The following SMAD3 variants were observed in gnomAD, a reference collection of about 807,000 sequenced individuals.
SMAD3 encodes the protein SMAD family member 3.
A neutral mutation model predicts 51.8 loss-of-function variants in SMAD3; 12 were observed. The ratio of observed to expected loss-of-function variants is 0.23; its 90% confidence interval spans 0.15 to 0.38. SMAD3 has a LOEUF of 0.38. Among genes scored for constraint, SMAD3 ranks in the 10% least tolerant of loss-of-function variants. The pLI is 1.00. For missense variants in SMAD3, 294 were observed against 565.6 expected, an observed-to-expected ratio of 0.52 and a Z score of 4.87; for synonymous variants, 238 against 227.7, an observed-to-expected ratio of 1.05 and a Z score of -0.41.
intron 1 of SMAD3, chr15:67,077,985 A>T (rs1960206921): frequency 6.6e-6 from 1 of 152,138 alleles, no homozygotes; most frequent in African/African-American, 2.4e-5. Flanking sequence ...TTCTTGTTTC[A>T]TTTCCTCCTC....
rs1555410235 is a variant in SMAD3 at position 67,142,199 on chromosome 15, A to ACCT, written c.207-22694_207-22693insTCC. Among the ~76,000 whole-genome samples the ACCT allele has an allele frequency of 5.5e-5, 7 of 127,990 alleles. No individual in the cohort carries two copies. The Admixed American group carries it at 5.9e-4, about 11-fold the overall frequency. 84.0% of individuals were successfully genotyped at this position (127,990 alleles called of 152,430 possible). On this transcript the variant is annotated intron_variant, in intron 1 of 8. Coordinates refer to ENST00000327367, the MANE Select transcript of SMAD3 (RefSeq NM_005902.4). ...ATTCTTTTGTGTGTCTCCTCCCCAC[A>ACCT]CCCCCCCCACCATTGTTTCTAGAAC...
chr15:67,075,134 T>C (rs1406716658), intron 1 of SMAD3, among the ~76,000 whole-genome samples: 1 of 152,170 alleles, frequency 6.6e-6, no homozygotes, highest in Non-Finnish European at 1.5e-5. Context: ...ATTTTTTCCT[T>C]AAAAAATCAC....
intron 5 of SMAD3, chr15:67,174,155 GGACTCAC>G (rs1962827123): frequency 1.3e-5 from 2 of 152,378 alleles, no homozygotes; most frequent in Admixed American, 1.3e-4. Flanking sequence ...CACTCAGGAG[GGACTCAC>G]ATGGCCACGC....
intron 1 of SMAD3, among the ~76,000 whole-genome samples, chr15:67,101,332 C>T (rs765919457): frequency 6.6e-6 from 1 of 152,220 alleles, no homozygotes; most frequent in Non-Finnish European, 1.5e-5. Context: ...ACCCTGTTGG[C>T]CCCAGCACAG....
At chr15:67,072,728 A>AG (rs1176360541) in intron 1 of SMAD3, among the ~76,000 whole-genome samples, 1 of 152,174 alleles carries the variant, frequency 6.6e-6, no homozygotes, top group African/African-American at 2.4e-5. Context: ...CTCCCTAAGG[A>AG]GGGGTATGAC....
intron 1 of SMAD3, among the ~76,000 whole-genome samples, chr15:67,079,320 G>A (rs1436058569): frequency 6.6e-6 from 1 of 151,496 alleles, no homozygotes; most frequent in African/African-American, 2.4e-5. Context: ...CACTAATACT[G>A]CTAAAAACCC....
At chr15:67,069,921 G>A (rs1219826935) in intron 1 of SMAD3, among the ~76,000 whole-genome samples, 1 of 152,118 alleles carries the variant, frequency 6.6e-6, no homozygotes, top group Non-Finnish European at 1.5e-5. Flanking sequence ...GGTCAGGCTG[G>A]TGTTGAACTC....
chr15:67,068,803 G>A (rs772273805), intron 1 of SMAD3, among the ~76,000 whole-genome samples: 1 of 152,132 alleles, frequency 6.6e-6, no homozygotes, highest in Non-Finnish European at 1.5e-5. Context: ...TAAAGGCCAC[G>A]TCTTGGGGAG....
intron 1 of SMAD3, chr15:67,138,170 GC>G: frequency 8.4e-7 from 1 of 1,195,716 alleles, no homozygotes; most frequent in Non-Finnish European, 1.2e-6. Flanking sequence ...CCACAGGGTT[GC>G]TGGCCAGAGA....
intron 5 of SMAD3, among the ~76,000 whole-genome samples, chr15:67,175,479 G>A (rs963323354): frequency 2.0e-5 from 3 of 152,180 alleles, no homozygotes; most frequent in Non-Finnish European, 4.4e-5. Flanking sequence ...TGGACCCAAG[G>A]CAGCATCTCC....
chr15:67,088,126 CAGG>C lies in SMAD3; in HGVS notation c.206+21772_206+21774del, dbSNP rs202116104. On this transcript the variant is annotated intron_variant, in intron 1 of 8. Transcript: ENST00000327367. ...TTATCCCCTACTCTCACCTTTATCG[CAGG>C]AGGAGTGATAAAGTGCTGCTGTGTG... is the stretch of plus-strand genomic sequence containing the variant. 3.9e-5 allele frequency among the ~76,000 whole-genome samples: 6 copies of C among 152,296 alleles called. No individual in the cohort carries two copies. The East Asian group carries it at 1.2e-3, about 29-fold the overall frequency.
At chr15:67,138,295 G>C (rs988102275) in intron 1 of SMAD3, 1 of 547,038 alleles carries the variant, frequency 1.8e-6, no homozygotes, top group African/African-American at 1.9e-5. Context: ...GCGTCGCTCA[G>C]GGCCCTCTGC....
At chr15:67,151,961 CATA>C (rs1375620676) in intron 1 of SMAD3, among the ~76,000 whole-genome samples, 7 of 151,938 alleles carry the variant, frequency 4.6e-5, no homozygotes, top group Non-Finnish European at 7.4e-5. Flanking sequence ...TCATATATTA[CATA>C]ATAATTGTAA....
At chr15:67,135,923 A>T (rs1273782756) in intron 1 of SMAD3, among the ~76,000 whole-genome samples, 1 of 152,218 alleles carries the variant, frequency 6.6e-6, no homozygotes, top group African/African-American at 2.4e-5. Flanking sequence ...CCTTCTGCTG[A>T]AGACCTCCTG....
rs1473169807 is a variant in SMAD3 at position 67,065,609 on chromosome 15, A to T, written c.-546A>T. Among the ~76,000 whole-genome samples the T allele has an allele frequency of 2.7e-5, 4 of 150,686 alleles. No individual in the cohort carries two copies. The highest frequency in any genetic ancestry group is 5.9e-5 in the Non-Finnish European group (4 of 67,558). On this transcript the variant is annotated 5_prime_UTR_variant, in exon 1 of 9. Coordinates refer to ENST00000327367, the MANE Select transcript of SMAD3 (RefSeq NM_005902.4). Reference sequence around the variant, plus strand: ...CTGCACGCGGATTTGCATGAAACACAGACTGGGAGCGGGCGGGAGCGGGAG... The same window carrying T: ...CTGCACGCGGATTTGCATGAAACACTGACTGGGAGCGGGCGGGAGCGGGAG...
At chr15:67,105,693 G>A (rs1960861401) in intron 1 of SMAD3, among the ~76,000 whole-genome samples, 1 of 152,214 alleles carries the variant, frequency 6.6e-6, no homozygotes, top group Non-Finnish European at 1.5e-5. Flanking sequence ...GGGCACAGGA[G>A]GGAGAAACAG....
chr15:67,097,665 C>T (rs532471376), intron 1 of SMAD3, among the ~76,000 whole-genome samples: 52 of 152,102 alleles, frequency 3.4e-4, no homozygotes, highest in Non-Finnish European at 7.1e-4. Flanking sequence ...TGGTCATGAG[C>T]GTGAAATGAG....
intron 1 of SMAD3, among the ~76,000 whole-genome samples, chr15:67,163,190 T>A (rs1198854028): frequency 6.6e-6 from 1 of 152,008 alleles, no homozygotes; most frequent in Non-Finnish European, 1.5e-5. Context: ...GCCAGGCTGG[T>A]TTTGAACTCC....
chr15:67,122,854 T>C lies in SMAD3; in HGVS notation c.207-42041T>C, dbSNP rs117279651. The stretch of plus-strand genomic sequence containing the variant: ...ACATTCTAAGTCCTCAGTTTCTTCA[T>C]CTGTAAAACAGGGATAAAATATCTC... On this transcript the variant is annotated intron_variant, in intron 1 of 8. Coordinates refer to ENST00000327367, the MANE Select transcript of SMAD3 (RefSeq NM_005902.4). Among the ~76,000 whole-genome samples, 252 of 152,282 alleles carry C rather than the reference T, an allele frequency of 1.7e-3. 5 individuals carry two copies. In the East Asian group the frequency reaches 0.031, roughly 19 times the overall value.
Sources: allele counts gnomAD v4.1 joint callset (sites outside exome capture counted in the v4.1 genomes callset), GRCh38; gene constraint gnomAD v4.1.1; transcripts MANE v1.5; gene names NCBI Gene and HGNC (gene_info 2026-07-23, HGNC 2026-07-21).